Variants in ZER1 observed in about 807,000 individuals in gnomAD.
ZER1 encodes zyg-11 related cell cycle regulator.
In ZER1, 11 loss-of-function variants were observed where a neutral mutation model predicts 78.8. The observed-to-expected ratio is 0.14, with a 90% CI of 0.09 to 0.23. The LOEUF is 0.23. Among genes scored for constraint, ZER1 ranks in the 10% least tolerant of loss-of-function variants. ZER1 has a pLI of 1.00. For missense variants in ZER1, 588 were observed against 996.9 expected (o/e 0.59, Z 5.52); for synonymous variants, 400 against 407.0 (o/e 0.98, Z 0.21).
chr9:128,745,737 A>T (rs1863467408), intron 8 of ZER1: 1 of 152,134 alleles, frequency 6.6e-6, no homozygotes, highest in Non-Finnish European at 1.5e-5. Flanking sequence ...TGCAGCCTCG[A>T]ACTCCTGGGC....
chr9:128,749,992 G>A (rs7871445), intron 8 of ZER1, among the ~76,000 whole-genome samples: 131,648 of 152,240 alleles, frequency 0.86, 58,368 homozygotes, highest in Non-Finnish European at 0.96. Flanking sequence ...GCAGTGACCC[G>A]AGATTGTGCC....
In ZER1 at chr9:128,769,164, T is replaced by C. The variant is rs114821941; in HGVS notation, c.-95+2417A>G. Among the ~76,000 whole-genome samples, 251 of 152,298 alleles carry C rather than the reference T, an allele frequency of 1.6e-3. 1 individual carries two copies. The highest frequency in any genetic ancestry group is 5.6e-3 in the African/African-American group (234 of 41,572). On this transcript the variant is annotated intron_variant, in intron 1 of 15. Transcript: ENST00000291900. Reference sequence around the variant, plus strand: ...TCTGAGGGGTGTCAAGAAGTTTCTGTCTTGCTTTCCCCAATATTTCCTCAA... The same window carrying C: ...TCTGAGGGGTGTCAAGAAGTTTCTGCCTTGCTTTCCCCAATATTTCCTCAA...
chr9:128,730,677 AG>A lies in ZER1; in HGVS notation c.*659del, dbSNP rs1344836205. The A allele has an allele frequency of 6.5e-6, 1 of 152,730 alleles. No individual in the cohort carries two copies. The highest frequency in any genetic ancestry group is 1.5e-5 in the Non-Finnish European group (1 of 68,114). 9.5% of individuals were successfully genotyped at this position (152,730 alleles called of 1,614,324 possible). On this transcript the variant is annotated 3_prime_UTR_variant, in exon 16 of 16. Transcript: ENST00000291900. ...TGGCCTCAGGCAGGCCTGGCTGGAC[AG>A]CAGCAGGGCCACTGGGTGCCCTGCT... is the stretch of plus-strand genomic sequence containing the variant.
intron 14 of ZER1, among the ~76,000 whole-genome samples, chr9:128,733,891 A>G (rs1862932003): frequency 7.1e-6 from 1 of 141,252 alleles, no homozygotes; most frequent in East Asian, 2.1e-4. Flanking sequence ...GCACTTTGGG[A>G]GGCCGAGACG....
chr9:128,759,781 C>T (rs1462855955), intron 1 of ZER1, among the ~76,000 whole-genome samples: 3 of 151,952 alleles, frequency 2.0e-5, no homozygotes, highest in South Asian at 2.1e-4. Flanking sequence ...GGCAACAGAG[C>T]GAGACTCCGT....
At chr9:128,760,203 A>G (rs1486474042) in intron 1 of ZER1, among the ~76,000 whole-genome samples, 1 of 150,106 alleles carries the variant, frequency 6.7e-6, no homozygotes, top group Non-Finnish European at 1.5e-5. Flanking sequence ...ATACTTCATA[A>G]AAGTTTTTTA....
intron 8 of ZER1, among the ~76,000 whole-genome samples, chr9:128,743,140 T>C (rs1863361772): frequency 6.6e-6 from 1 of 151,306 alleles, no homozygotes; most frequent in South Asian, 2.1e-4. Context: ...TTTTTTGAGA[T>C]GGAGTGCTGC....
At position 128,740,071 on chromosome 9, in the gene ZER1, G is replaced by A. The variant is rs1863238076; in HGVS notation, c.1902C>T (p.Ala634=). The A allele has an allele frequency of 4.3e-6, 7 of 1,613,506 alleles. No homozygotes were observed. The highest frequency in any genetic ancestry group is 5.9e-6 in the Non-Finnish European group (7 of 1,179,606). Residue 634 remains alanine (A), a synonymous_variant, in exon 13 of 16, where the codon GCC becomes GCT. Transcript: ENST00000291900. This position sits in a 1 kb window ranked among gnomAD's most constrained non-coding sequence, Gnocchi z 4.4. The part of the protein sequence containing the change: ...KADGIEVSYN[A]CGVLSHIMFD... ...ACATGATGTGGGAGAGGACGCCGCAGGCATTGTAGGAAACCTCGATCCCAT... is the reference window on the plus strand; with the variant it reads ...ACATGATGTGGGAGAGGACGCCGCAAGCATTGTAGGAAACCTCGATCCCAT...
rs1425007726 is a variant in ZER1, at chr9:128,752,566, C to G, written c.923+107G>C. ...TAACTCCTGGCCTCAAGTGATCCGC[C>G]CATCTTGGCTTCCCAAAGTGCTGGG... On this transcript the variant is annotated intron_variant, in intron 5 of 15. Transcript: ENST00000291900. 3 of 1,251,084 alleles carry G rather than the reference C, an allele frequency of 2.4e-6. No individual in the cohort carries two copies. In the African/African-American group the frequency reaches 4.5e-5, roughly 19 times the overall value. 77.5% of individuals were successfully genotyped at this position (1,251,084 alleles called of 1,614,324 possible).
In ZER1 at chr9:128,755,898, C is replaced by T. The variant is rs1459886461; in HGVS notation, c.-94-239G>A. Among the ~76,000 whole-genome samples the T allele has an allele frequency of 1.3e-5, 2 of 152,180 alleles. No individual in the cohort carries two copies. Among genetic ancestry groups the T allele is most frequent in the African/African-American group, 2.4e-5 (1 of 41,444 alleles). The stretch of plus-strand genomic sequence containing the variant: ...AAGCACTTATTTGCCTGTGAGCAGA[C>T]GTGTGTGCTGGGGACCCAGTGCTTG... On this transcript the variant is annotated intron_variant, in intron 1 of 15. Coordinates refer to ENST00000291900, the MANE Select transcript of ZER1 (RefSeq NM_006336.4). This position sits in a 1 kb window ranked among gnomAD's most constrained non-coding sequence, Gnocchi z 5.6.
intron 1 of ZER1, among the ~76,000 whole-genome samples, chr9:128,764,761 C>T (rs1006532443): frequency 1.6e-4 from 24 of 152,230 alleles, no homozygotes; most frequent in African/African-American, 5.8e-4. Flanking sequence ...TTGTCATTCT[C>T]AGGGCAGTCA....
chr9:128,741,443 G>T, intron 11 of ZER1, 92 bp downstream of exon 11: 5 of 1,573,076 alleles, frequency 3.2e-6, no homozygotes, highest in Non-Finnish European at 4.4e-6. Context: ...TGGGTGAGGG[G>T]TGCTGCGGAT....
rs561551651 is a variant in ZER1 at position 128,736,972 on chromosome 9, C to T, written c.2043-1541G>A. On this transcript the variant is annotated intron_variant, in intron 13 of 15. Transcript: ENST00000291900. Reference sequence around the variant, plus strand: ...CAACCTGGGCAACACAGTGAAACCCCGTCTCCACTAAAGTACAAAAAATTA... The same window carrying T: ...CAACCTGGGCAACACAGTGAAACCCTGTCTCCACTAAAGTACAAAAAATTA... 4.6e-5 allele frequency among the ~76,000 whole-genome samples: 7 copies of T among 152,030 alleles called. No individual in the cohort carries two copies. The East Asian group carries it at 9.7e-4, about 21-fold the overall frequency.
At position 128,753,156 on chromosome 9, in the gene ZER1, G is replaced by T; in HGVS notation, c.746+8C>A. 6.6e-7 allele frequency: 1 copy of T among 1,526,334 alleles called. No individual in the cohort carries two copies. Among genetic ancestry groups the T allele is most frequent in the South Asian group, 1.2e-5 (1 of 81,066 alleles). 94.5% of individuals were successfully genotyped at this position (1,526,334 alleles called of 1,614,324 possible). A position where few individuals can be genotyped will look rare whatever the true frequency, so the allele number is the denominator to read the frequency against. Reference sequence around the variant, plus strand: ...CCCACCCTGGTGAGCTCTGGGCCAGGAGCTCACCGCAGCTTGTGCAGCTGC... The same window carrying T: ...CCCACCCTGGTGAGCTCTGGGCCAGTAGCTCACCGCAGCTTGTGCAGCTGC... On this transcript the variant is annotated splice_region_variant and intron_variant, in intron 4 of 15. Transcript: ENST00000291900. The surrounding 1 kb of genome is among the most constrained non-coding windows in gnomAD (Gnocchi z 7.5).
chr9:128,758,504 T>TC, intron 1 of ZER1, among the ~76,000 whole-genome samples: 1 of 139,408 alleles, frequency 7.2e-6, no homozygotes, highest in South Asian at 2.3e-4. Flanking sequence ...CTGCACCCTC[T>TC]ATTTCCCAGG....
At chr9:128,741,489 C>A in intron 11 of ZER1, 46 bp downstream of exon 11, 1 of 1,613,532 alleles carries the variant, frequency 6.2e-7, no homozygotes, top group Non-Finnish European at 8.5e-7. Flanking sequence ...GAAGAGGGGC[C>A]ATGTGGGCAG....
rs1019854510 is a variant in ZER1, at chr9:128,769,364, C to T, written c.-95+2217G>A. 2.6e-5 allele frequency among the ~76,000 whole-genome samples: 4 copies of T among 152,204 alleles called. No homozygotes were observed. The East Asian group carries it at 7.7e-4, about 29-fold the overall frequency. On this transcript the variant is annotated intron_variant, in intron 1 of 15. Coordinates refer to ENST00000291900, the MANE Select transcript of ZER1 (RefSeq NM_006336.4). ...AAATACTGCATTAAGCACTTCAGCCCATGATTTTATCTAATCCAACAGCCC... is the reference window on the plus strand; with the variant it reads ...AAATACTGCATTAAGCACTTCAGCCTATGATTTTATCTAATCCAACAGCCC...
Position 128,751,440 on chromosome 9 carries a change from GCA to G in ZER1, c.1009_1010del (p.Cys337ProfsTer13). ...TGTAGGCTGGAATGTGCGTGAGGCG[GCA>G]CAGAGAGTTCTCAAAGAGCCCGAGG... ...QFLGLFENSLCRLTHIPAYKV... is the reference protein window; with the variant it reads ...QFLGLFENSLXRLTHIPAYKV... On this transcript the variant is annotated frameshift_variant, in exon 6 of 16. Transcript: ENST00000291900. LOFTEE classifies it high-confidence loss of function. This position sits in a 1 kb window ranked among gnomAD's most constrained non-coding sequence, Gnocchi z 5.4. 6.2e-7 allele frequency: 1 copy of G among 1,614,112 alleles called. No homozygotes were observed. The highest frequency in any genetic ancestry group is 8.5e-7 in the Non-Finnish European group (1 of 1,180,032).
Position 128,753,143 on chromosome 9 carries a change from A to G in ZER1, c.746+21T>C. On this transcript the variant is annotated intron_variant, in intron 4 of 15. Transcript: ENST00000291900. The surrounding 1 kb of genome is among the most constrained non-coding windows in gnomAD (Gnocchi z 7.5). The stretch of plus-strand genomic sequence containing the variant: ...CTGCCCCCCAAACCCCACCCTGGTG[A>G]GCTCTGGGCCAGGAGCTCACCGCAG... 1.3e-6 allele frequency: 2 copies of G among 1,509,578 alleles called. No individual in the cohort carries two copies. Among genetic ancestry groups the G allele is most frequent in the Non-Finnish European group, 1.8e-6 (2 of 1,126,176 alleles). The allele number at this position is 1,509,578 out of a possible 1,614,324, so 93.5% of individuals were successfully genotyped here.
Sources: allele counts gnomAD v4.1 joint callset (sites outside exome capture counted in the v4.1 genomes callset), GRCh38; gene constraint gnomAD v4.1.1; non-coding constraint Gnocchi (gnomAD v3.1); transcripts MANE v1.5; gene names NCBI Gene and HGNC (gene_info 2026-07-23, HGNC 2026-07-21).